The following PCDH7 variants were observed in gnomAD, a reference collection of about 807,000 sequenced individuals.
PCDH7 encodes protocadherin 7.
Under a neutral mutation model 58.9 loss-of-function variants are expected in PCDH7, and 17 were observed. That is an observed-to-expected ratio of 0.29 (90% CI 0.20 to 0.43). PCDH7 has a LOEUF of 0.43. Among genes scored for constraint, PCDH7 ranks in the 20% least tolerant of loss-of-function variants. The probability of loss-of-function intolerance (pLI) is 1.00; values close to 1 mark genes in which losing one functional copy is unlikely to be tolerated. For synonymous variants in PCDH7, 664 were observed against 616.4 expected (o/e 1.08, Z -1.14); for missense variants, 1,274 against 1,441.0 (o/e 0.88, Z 1.88).
At chr4:31,111,842 A>G (rs146351621) in intron 3 of PCDH7, among the ~76,000 whole-genome samples, 1 of 152,256 alleles carries the variant, frequency 6.6e-6, no homozygotes, top group East Asian at 1.9e-4. Flanking sequence ...TATCAACTTT[A>G]CTTTTCTATT....
At chr4:30,882,769 G>C (rs967105942) in intron 1 of PCDH7, among the ~76,000 whole-genome samples, 2 of 152,182 alleles carry the variant, frequency 1.3e-5, no homozygotes, top group Non-Finnish European at 2.9e-5. Context: ...CACTGCCTTA[G>C]CAATAGCTGC....
At position 31,134,754 on chromosome 4, in the gene PCDH7, C is replaced by T. The variant is rs148699376; in HGVS notation, c.*8-7719C>T. ...TGACTGCATTCACCTGGAGAACTGA[C>T]TAGGATAGACTTTGCTGGGTCAGCT... is the stretch of plus-strand genomic sequence containing the variant. On this transcript the variant is annotated intron_variant, in intron 3 of 3. Transcript: ENST00000509759. Among the ~76,000 whole-genome samples the T allele has an allele frequency of 4.6e-5, 7 of 152,250 alleles. No homozygotes were observed. In the East Asian group the frequency reaches 1.2e-3, roughly 25 times the overall value.
At chr4:30,956,415 A>G (rs1434471866) in intron 3 of PCDH7, among the ~76,000 whole-genome samples, 1 of 152,170 alleles carries the variant, frequency 6.6e-6, no homozygotes, top group African/African-American at 2.4e-5. Context: ...TGTTCTAGTA[A>G]AGTGCTTTAT....
At position 30,760,720 on chromosome 4, in the gene PCDH7, A is replaced by G. The variant is rs147456441; in HGVS notation, c.70+36124A>G. Among the ~76,000 whole-genome samples the G allele has an allele frequency of 1.2e-3, 190 of 152,280 alleles. No homozygotes were observed. In the Middle Eastern group the frequency reaches 0.017, roughly 14 times the overall value. ...ATTTCATTATGCCATGTCATTTCCTAAAGGGCACCAAGACACTGATAAGGT... is the reference window on the plus strand; with the variant it reads ...ATTTCATTATGCCATGTCATTTCCTGAAGGGCACCAAGACACTGATAAGGT... On this transcript the variant is annotated intron_variant, in intron 1 of 3. Transcript: ENST00000509759.
chr4:30,893,933 A>G (rs1738943264), intron 1 of PCDH7, among the ~76,000 whole-genome samples: 1 of 152,110 alleles, frequency 6.6e-6, no homozygotes, highest in Non-Finnish European at 1.5e-5. Context: ...TTTGTCTGTC[A>G]AATATGGTAC....
chr4:30,827,487 G>A (rs1438773057), intron 1 of PCDH7, among the ~76,000 whole-genome samples: 1 of 152,022 alleles, frequency 6.6e-6, no homozygotes, highest in Admixed American at 6.6e-5. Context: ...GGTAAAGGTA[G>A]GTACAGAAAG....
Position 30,960,094 on chromosome 4 carries a change from GAAGGAAGA to G in PCDH7, c.*7+9887_*7+9894del, listed in dbSNP as rs1239927025. Among the ~76,000 whole-genome samples, 85 of 134,650 alleles carry G rather than the reference GAAGGAAGA, an allele frequency of 6.3e-4. 1 individual carries two copies. The highest frequency in any genetic ancestry group is 3.8e-3 in the Middle Eastern group (1 of 260). 88.3% of individuals were successfully genotyped at this position (134,650 alleles called of 152,430 possible). Reference sequence around the variant, plus strand: ...AAAAGGAGGGGAGGAAGGAAGGAAGGAAGGAAGAAAGGAAGGAGGGAAGGAAGGAAGGA... The same window carrying G: ...AAAAGGAGGGGAGGAAGGAAGGAAGGAAGGAAGGAGGGAAGGAAGGAAGGA... On this transcript the variant is annotated intron_variant, in intron 3 of 3. Coordinates refer to the PCDH7 transcript ENST00000509759.
chr4:30,916,674 G>A lies in PCDH7; in HGVS notation c.71-3479G>A, dbSNP rs528713751. Among the ~76,000 whole-genome samples, 71 of 152,250 alleles carry A rather than the reference G, an allele frequency of 4.7e-4. 1 individual carries two copies. Among genetic ancestry groups the A allele is most frequent in the African/African-American group, 1.5e-3 (62 of 41,542 alleles). ...AATGTCTTTATGACCATACTTTTAA[G>A]TCTCAAGATGGAACCAGGAGTCTAC... is the stretch of plus-strand genomic sequence containing the variant. On this transcript the variant is annotated intron_variant, in intron 1 of 3. Transcript: ENST00000509759.
chr4:30,927,262 A>G (rs1003698390), intron 2 of PCDH7, among the ~76,000 whole-genome samples: 4 of 152,162 alleles, frequency 2.6e-5, no homozygotes, highest in Admixed American at 6.5e-5. Context: ...ATATAATTCT[A>G]TTCTTCCTCT....
intron 3 of PCDH7, among the ~76,000 whole-genome samples, chr4:30,973,202 T>C (rs1354824531): frequency 2.6e-5 from 4 of 152,288 alleles, no homozygotes; most frequent in Middle Eastern, 6.8e-3. Context: ...AAAAGACCTC[T>C]AGATTGAACA....
chr4:31,130,265 AC>A (rs201266188), intron 3 of PCDH7, among the ~76,000 whole-genome samples: 3,687 of 152,302 alleles, frequency 0.024, 72 homozygotes, highest in Non-Finnish European at 0.033. Flanking sequence ...TTTGTACTTT[AC>A]TGAACAAAAA....
chr4:30,999,062 T>C (rs1055510427), intron 3 of PCDH7, among the ~76,000 whole-genome samples: 1 of 152,120 alleles, frequency 6.6e-6, no homozygotes, highest in Non-Finnish European at 1.5e-5. Flanking sequence ...GAATATGTGA[T>C]GGAGCAGAAA....
At chr4:30,982,017 A>G (rs1578482004) in intron 3 of PCDH7, among the ~76,000 whole-genome samples, 2 of 152,336 alleles carry the variant, frequency 1.3e-5, no homozygotes, top group East Asian at 3.9e-4. Context: ...GTAGTTAATA[A>G]CAATGTATCG....
At chr4:30,893,883 G>A (rs1271541518) in intron 1 of PCDH7, among the ~76,000 whole-genome samples, 1 of 152,082 alleles carries the variant, frequency 6.6e-6, no homozygotes, top group African/African-American at 2.4e-5. Flanking sequence ...TAGATTAAAT[G>A]TCTAGGGAGC....
intron 3 of PCDH7, among the ~76,000 whole-genome samples, chr4:31,128,856 G>A (rs1217950865): frequency 1.3e-5 from 2 of 152,116 alleles, no homozygotes; most frequent in African/African-American, 4.8e-5. Context: ...AACTAAAAAG[G>A]TTATAGGACA....
exon 4 of PCDH7, chr4:31,142,863 A>G: frequency 7.4e-7 from 1 of 1,351,356 alleles, no homozygotes; most frequent in Non-Finnish European, 9.8e-7. Flanking sequence ...ATAAAGGAGC[A>G]ACAGCAAAGT....
At chr4:30,752,170 C>T (rs1414061034) in intron 1 of PCDH7, among the ~76,000 whole-genome samples, 2 of 151,558 alleles carry the variant, frequency 1.3e-5, no homozygotes, top group African/African-American at 4.9e-5. Flanking sequence ...CTCACTCTGT[C>T]GCACCCAGGC....
rs778089621 is a variant in PCDH7 at position 30,721,728 on chromosome 4, C to A, written c.306C>A (p.Ile102=). 1.9e-6 allele frequency: 3 copies of A among 1,614,022 alleles called. No individual in the cohort carries two copies. The Admixed American group carries it at 5.0e-5, about 27-fold the overall frequency. Residue 102 remains isoleucine (I), a synonymous_variant, in exon 1 of 2, where the codon ATC becomes ATA. Transcript: ENST00000361762. This position sits in a 1 kb window ranked among gnomAD's most constrained non-coding sequence, Gnocchi z 6.7. ...AGAAGCTGCCCCAGTGTCAGATGAT[C>A]TTCGACGAGAACGAGTGCTTCCTGG...
At chr4:30,971,611 G>A (rs1749590618) in intron 3 of PCDH7, among the ~76,000 whole-genome samples, 1 of 152,182 alleles carries the variant, frequency 6.6e-6, no homozygotes, top group Non-Finnish European at 1.5e-5. Flanking sequence ...GTTTAAACAA[G>A]TATTCTTGTC....
Sources: gnomAD v4.1 joint callset for allele counts (sites outside exome capture counted in the v4.1 genomes callset) on GRCh38, gnomAD v4.1.1 for gene constraint, Gnocchi (gnomAD v3.1) non-coding constraint, MANE v1.5 for transcripts, NCBI Gene and HGNC (gene_info 2026-07-23, HGNC 2026-07-21) for gene names.